SMYD3: variants seen among roughly 807,000 people sequenced by gnomAD.
SMYD3 encodes the protein SET and MYND domain containing 3.
A neutral mutation model predicts 57.7 loss-of-function variants in SMYD3; 36 were observed. That is an observed-to-expected ratio of 0.62 (90% CI 0.48 to 0.82). SMYD3 has a LOEUF of 0.82. SMYD3 is among the 40% of genes least tolerant of loss of function. The pLI is 0.00. For missense variants in SMYD3, 515 were observed against 538.8 expected (o/e 0.96, Z 0.44); for synonymous variants, 211 against 195.0 (o/e 1.08, Z -0.68).
At chr1:246,215,975 A>G (rs2063157599) in intron 5 of SMYD3, among the ~76,000 whole-genome samples, 2 of 152,162 alleles carry the variant, frequency 1.3e-5, no homozygotes, top group Non-Finnish European at 2.9e-5. Context: ...CGAAAGATGG[A>G]GCACTCTGGA....
intron 10 of SMYD3, among the ~76,000 whole-genome samples, chr1:245,781,838 A>G (rs1222232586): frequency 6.6e-6 from 1 of 152,114 alleles, no homozygotes; most frequent in Non-Finnish European, 1.5e-5. Flanking sequence ...GCGTGGTGGC[A>G]TGCATCTGTA....
chr1:245,946,638 G>T (rs942235862), intron 5 of SMYD3, among the ~76,000 whole-genome samples: 1 of 152,178 alleles, frequency 6.6e-6, no homozygotes, highest in African/African-American at 2.4e-5. Flanking sequence ...AGTTATGAAG[G>T]AAGTACGTAC....
Position 245,825,585 on chromosome 1 carries a change from TC to T in SMYD3, c.1076+32910del, listed in dbSNP as rs569585470. ...TGCGTGGCCCTCCCTGGGCATCTTG[TC>T]CCCCTCTCTGTTCAGCTTTTAAAAA... On this transcript the variant is annotated intron_variant, in intron 10 of 11. Coordinates refer to ENST00000490107, the MANE Select transcript of SMYD3 (RefSeq NM_001167740.2). 2.4e-3 allele frequency among the ~76,000 whole-genome samples: 369 copies of T among 152,258 alleles called. 1 individual carries two copies. The highest frequency in any genetic ancestry group is 5.4e-3 in the Admixed American group (83 of 15,304).
chr1:246,299,551 C>T (rs1441368608), intron 5 of SMYD3, among the ~76,000 whole-genome samples: 3 of 152,024 alleles, frequency 2.0e-5, no homozygotes, highest in East Asian at 1.9e-4. Context: ...CTATGTTCAT[C>T]GCAGCACTAT....
chr1:246,423,235 T>C (rs1159604083), intron 1 of SMYD3, among the ~76,000 whole-genome samples: 1 of 149,124 alleles, frequency 6.7e-6, no homozygotes, highest in African/African-American at 2.5e-5. Flanking sequence ...AAACGAAGGT[T>C]GCAGTGAGCC....
At chr1:245,923,987 T>C (rs987204567) in intron 7 of SMYD3, among the ~76,000 whole-genome samples, 3 of 152,234 alleles carry the variant, frequency 2.0e-5, no homozygotes, top group Non-Finnish European at 4.4e-5. Context: ...CCAAAAGACA[T>C]CAGATTAAGA....
At chr1:245,816,281 G>T in intron 10 of SMYD3, among the ~76,000 whole-genome samples, 1 of 152,070 alleles carries the variant, frequency 6.6e-6, no homozygotes, top group East Asian at 1.9e-4. Context: ...ACTCCCCACA[G>T]AGAGTACTCC....
chr1:246,358,203 T>G (rs966318906), intron 1 of SMYD3, among the ~76,000 whole-genome samples: 2 of 151,976 alleles, frequency 1.3e-5, no homozygotes, highest in African/African-American at 4.8e-5. Flanking sequence ...CAAAAGCAGT[T>G]AAACAAAACA....
intron 11 of SMYD3, among the ~76,000 whole-genome samples, chr1:245,760,176 A>C (rs2045784883): frequency 6.6e-6 from 1 of 152,190 alleles, no homozygotes; most frequent in African/African-American, 2.4e-5. Flanking sequence ...AGCCTAACTG[A>C]ATCTGTAATA....
At chr1:245,952,096 G>T (rs1008991525) in intron 5 of SMYD3, among the ~76,000 whole-genome samples, 7 of 150,784 alleles carry the variant, frequency 4.6e-5, no homozygotes, top group African/African-American at 9.8e-5. Flanking sequence ...GACAGGAAAA[G>T]AAATGTTGGT....
intron 3 of SMYD3, among the ~76,000 whole-genome samples, chr1:246,331,850 C>A (rs1246747077): frequency 6.6e-6 from 1 of 152,176 alleles, no homozygotes; most frequent in Non-Finnish European, 1.5e-5. Context: ...GTTACTGTGG[C>A]CTGTGATCAG....
chr1:246,239,455 C>T (rs986882723), intron 5 of SMYD3, among the ~76,000 whole-genome samples: 3 of 152,176 alleles, frequency 2.0e-5, no homozygotes, highest in Admixed American at 6.5e-5. Context: ...GCATAGTATT[C>T]CATGGCGTAT....
chr1:245,805,105 A>C (rs1222364959), intron 10 of SMYD3, among the ~76,000 whole-genome samples: 6 of 152,146 alleles, frequency 3.9e-5, no homozygotes, highest in Admixed American at 1.3e-4. Flanking sequence ...TGCACAGATA[A>C]ATTGTAAGAG....
intron 5 of SMYD3, among the ~76,000 whole-genome samples, chr1:246,151,101 C>A (rs576254797): frequency 1.3e-5 from 2 of 152,164 alleles, no homozygotes; most frequent in African/African-American, 2.4e-5. Context: ...CAAAAATTAG[C>A]CAGGCGCGGT....
intron 1 of SMYD3, among the ~76,000 whole-genome samples, chr1:246,367,614 T>C (rs935772188): frequency 1.3e-5 from 2 of 152,098 alleles, no homozygotes; most frequent in Non-Finnish European, 2.9e-5. Context: ...TGTATTTTAG[T>C]AGAGATGGGG....
intron 5 of SMYD3, among the ~76,000 whole-genome samples, chr1:246,186,010 C>T (rs1558298349): frequency 6.6e-6 from 1 of 152,052 alleles, no homozygotes; most frequent in Non-Finnish European, 1.5e-5. Context: ...AGAGGTTTGT[C>T]TCGGTCAAAT....
chr1:246,008,601 T>TG (rs2059220491), intron 5 of SMYD3, among the ~76,000 whole-genome samples: 1 of 152,176 alleles, frequency 6.6e-6, no homozygotes, highest in Non-Finnish European at 1.5e-5. Flanking sequence ...CAACAGCGCT[T>TG]GGGGAGTAGC....
chr1:246,379,982 T>A (rs1309879827), intron 1 of SMYD3, among the ~76,000 whole-genome samples: 4 of 147,022 alleles, frequency 2.7e-5, no homozygotes, highest in Non-Finnish European at 4.5e-5. Flanking sequence ...CACTCCAGCC[T>A]GAGGATCAGA....
chr1:245,811,137 A>G (rs1348994158), intron 10 of SMYD3, among the ~76,000 whole-genome samples: 1 of 152,218 alleles, frequency 6.6e-6, no homozygotes, highest in African/African-American at 2.4e-5. Flanking sequence ...ACTGATGCCT[A>G]TTCCTGTGGC....
Sources: allele counts gnomAD v4.1 joint callset (sites outside exome capture counted in the v4.1 genomes callset), GRCh38; gene constraint gnomAD v4.1.1; transcripts MANE v1.5; gene names NCBI Gene and HGNC (gene_info 2026-07-23, HGNC 2026-07-21).